The following PARVA variants were observed in gnomAD, a reference collection of about 807,000 sequenced individuals.
PARVA encodes the protein alpha-parvin.
In PARVA, 25 loss-of-function variants were observed where a neutral mutation model predicts 52.6. The ratio of observed to expected loss-of-function variants is 0.48; its 90% CI spans 0.35 to 0.66. PARVA has a LOEUF of 0.66. Among genes scored for constraint, PARVA ranks in the 30% least tolerant of loss-of-function variants. The probability of loss-of-function intolerance (pLI) is 0.01; values close to 1 mark genes in which losing one functional copy is unlikely to be tolerated. For missense variants in PARVA, 373 were observed against 450.9 expected (o/e 0.83, Z 1.56); for synonymous variants, 185 against 179.1 (o/e 1.03, Z -0.26).
intron 1 of PARVA, among the ~76,000 whole-genome samples, chr11:12,410,017 C>T (rs892536080): frequency 2.6e-5 from 4 of 152,168 alleles, no homozygotes; most frequent in Non-Finnish European, 5.9e-5. Context: ...CTATTGTTTT[C>T]TGTAAACTCT....
At chr11:12,497,877 T>TTA (rs1261304327) in intron 5 of PARVA, among the ~76,000 whole-genome samples, 9 of 152,210 alleles carry the variant, frequency 5.9e-5, no homozygotes, top group African/African-American at 1.7e-4. Context: ...AGTCCTCTAA[T>TTA]GAAGACTGCT....
chr11:12,513,586 C>T (rs749696832), intron 9 of PARVA: 2 of 674,474 alleles, frequency 3.0e-6, no homozygotes, highest in South Asian at 1.6e-5. Flanking sequence ...GTCTTCCCAC[C>T]CAGGCTAACC....
intron 1 of PARVA, among the ~76,000 whole-genome samples, chr11:12,416,574 G>A (rs770014456): frequency 3.9e-5 from 6 of 152,182 alleles, no homozygotes; most frequent in Non-Finnish European, 7.4e-5. Context: ...CGACTCCAGC[G>A]CCATCTGCCC....
intron 12 of PARVA, among the ~76,000 whole-genome samples, chr11:12,522,627 C>T (rs987864697): frequency 2.0e-5 from 3 of 151,820 alleles, no homozygotes; most frequent in Non-Finnish European, 2.9e-5. Context: ...CCATGTTGGC[C>T]AGGCTGGTCT....
intron 1 of PARVA, among the ~76,000 whole-genome samples, chr11:12,443,501 C>T (rs1005547425): frequency 1.3e-5 from 2 of 152,148 alleles, no homozygotes; most frequent in Non-Finnish European, 2.9e-5. Flanking sequence ...CTGTCACACA[C>T]CACTTCTTCT....
intron 1 of PARVA, among the ~76,000 whole-genome samples, chr11:12,396,857 T>G (rs752888521): frequency 1.3e-5 from 2 of 152,198 alleles, no homozygotes; most frequent in Admixed American, 6.5e-5. Flanking sequence ...ACTGTAGTAG[T>G]GTAGCCTGTG....
At chr11:12,448,737 G>A (rs1316968772) in intron 1 of PARVA, among the ~76,000 whole-genome samples, 4 of 152,212 alleles carry the variant, frequency 2.6e-5, no homozygotes, top group African/African-American at 9.6e-5. Context: ...CTGTCATGGG[G>A]AGGGGATGGA....
chr11:12,377,361 C>T (rs1939405879), upstream of PARVA: 5 of 1,295,114 alleles, frequency 3.9e-6, no homozygotes, highest in Non-Finnish European at 4.9e-6. Context: ...CACACACGTC[C>T]TCCTGTCCTG....
At chr11:12,506,864 C>A (rs572896735) in intron 6 of PARVA, among the ~76,000 whole-genome samples, 2 of 152,222 alleles carry the variant, frequency 1.3e-5, no homozygotes, top group South Asian at 4.1e-4. Context: ...GTTATTGAAC[C>A]CAGATTTCTT....
chr11:12,413,481 G>A (rs1204862923), intron 1 of PARVA, among the ~76,000 whole-genome samples: 1 of 152,188 alleles, frequency 6.6e-6, no homozygotes, highest in African/African-American at 2.4e-5. Context: ...ATTCATGTAG[G>A]CAAATGAAAA....
intron 3 of PARVA, among the ~76,000 whole-genome samples, chr11:12,474,608 G>A (rs182204000): frequency 1.6e-4 from 24 of 152,166 alleles, no homozygotes; most frequent in East Asian, 1.9e-4. Flanking sequence ...CAAGGCGGGC[G>A]GATCACTTGA....
chr11:12,534,804 T>C lies in PARVA; in HGVS notation c.*6879T>C, dbSNP rs1448433804. On this transcript the variant is annotated 3_prime_UTR_variant, in exon 13 of 13. Transcript: ENST00000334956. Reference sequence around the variant, plus strand: ...CCTGTCAAAGGCCTTACCGCCTGCCTGGAGAAACACAGTGCCTGCCCTTGG... The same window carrying C: ...CCTGTCAAAGGCCTTACCGCCTGCCCGGAGAAACACAGTGCCTGCCCTTGG... Among the ~76,000 whole-genome samples the C allele has an allele frequency of 1.3e-5, 2 of 152,240 alleles. No homozygotes were observed. The highest frequency in any genetic ancestry group is 4.8e-5 in the African/African-American group (2 of 41,472).
At chr11:12,418,973 G>A (rs1240289487) in intron 1 of PARVA, among the ~76,000 whole-genome samples, 3 of 152,128 alleles carry the variant, frequency 2.0e-5, no homozygotes, top group Non-Finnish European at 1.5e-5. Flanking sequence ...AATCCCATTT[G>A]CAGATGAGTA....
At chr11:12,381,826 C>T (rs1939491195) in intron 1 of PARVA, among the ~76,000 whole-genome samples, 1 of 152,198 alleles carries the variant, frequency 6.6e-6, no homozygotes, top group Non-Finnish European at 1.5e-5. Context: ...CACAGCTGCA[C>T]ACCTCAACCT....
intron 1 of PARVA, among the ~76,000 whole-genome samples, chr11:12,409,046 G>A (rs925541441): frequency 2.0e-5 from 3 of 152,216 alleles, no homozygotes; most frequent in African/African-American, 7.2e-5. Flanking sequence ...TAGATGTTGG[G>A]CCAAAGGTAG....
chr11:12,439,509 C>T (rs1317966057), intron 1 of PARVA, among the ~76,000 whole-genome samples: 1 of 152,226 alleles, frequency 6.6e-6, no homozygotes, highest in Non-Finnish European at 1.5e-5. Flanking sequence ...TAGCCTGACT[C>T]ACTCATCACC....
intron 1 of PARVA, among the ~76,000 whole-genome samples, chr11:12,419,279 C>T (rs1458788502): frequency 1.3e-5 from 2 of 152,054 alleles, no homozygotes; most frequent in Non-Finnish European, 2.9e-5. Flanking sequence ...CCCATTCTCC[C>T]CACCCCCCAG....
At chr11:12,438,408 G>A (rs1940418741) in intron 1 of PARVA, among the ~76,000 whole-genome samples, 2 of 152,092 alleles carry the variant, frequency 1.3e-5, no homozygotes, top group Admixed American at 6.5e-5. Flanking sequence ...GCACACCAGA[G>A]ACAGGAAATC....
chr11:12,459,450 A>T (rs4376887), intron 1 of PARVA, among the ~76,000 whole-genome samples: 4,876 of 152,032 alleles, frequency 0.032, 288 homozygotes, highest in African/African-American at 0.11. Context: ...GAAGAAAGAA[A>T]ATAGCGTGTG....
Sources: allele counts gnomAD v4.1 joint callset (sites outside exome capture counted in the v4.1 genomes callset), GRCh38; gene constraint gnomAD v4.1.1; transcripts MANE v1.5; gene names NCBI Gene and HGNC (gene_info 2026-07-23, HGNC 2026-07-21).